RTL4: variants seen among roughly 807,000 people sequenced by gnomAD.
The protein encoded by RTL4 is retrotransposon Gag-like protein 4.
RTL4 carries 4 observed loss-of-function variants against 5.3 expected under a neutral mutation model. The observed-to-expected ratio is 0.75, with a 90% CI of 0.37 to 1.72. The LOEUF (loss-of-function observed/expected upper bound fraction) is 1.72. Among genes scored for constraint, RTL4 ranks in the 40% most tolerant of loss-of-function variants. The pLI, the probability that RTL4 is intolerant of heterozygous loss-of-function variation, is 0.04. For missense variants in RTL4, 260 were observed against 227.1 expected, an observed-to-expected ratio of 1.14 and a Z score of -0.93; for synonymous variants, 98 against 87.3, an observed-to-expected ratio of 1.12 and a Z score of -0.68.
chrX:112,089,852 C>T, the RTL4 span, among the ~76,000 whole-genome samples: 7 of 111,334 alleles, frequency 6.3e-5, no homozygotes, highest in Non-Finnish European at 1.1e-4. Flanking sequence ...TCCATCTCAA[C>T]AATGTTGTAT....
At chrX:112,234,606 C>T in the RTL4 span, among the ~76,000 whole-genome samples, 316 of 111,993 alleles carry the variant, frequency 2.8e-3, no homozygotes, top group Admixed American at 6.8e-3. Flanking sequence ...CTGCAAGCCA[C>T]GAGTCATACT....
chrX:112,250,321 G>A, the RTL4 span, among the ~76,000 whole-genome samples: 1 of 111,252 alleles, frequency 9.0e-6, no homozygotes, highest in African/African-American at 3.3e-5. Flanking sequence ...GATAACAGAA[G>A]TGAAGCTGTT....
chrX:112,363,228 C>T, the RTL4 span, among the ~76,000 whole-genome samples: 6 of 111,241 alleles, frequency 5.4e-5, no homozygotes, highest in Non-Finnish European at 9.5e-5. Flanking sequence ...GACAGCATGA[C>T]TTGGAAGTGA....
the RTL4 span, among the ~76,000 whole-genome samples, chrX:112,110,291 G>A: frequency 4.5e-5 from 5 of 112,159 alleles, no homozygotes; most frequent in Non-Finnish European, 9.4e-5. Flanking sequence ...AGTCACTGCT[G>A]CCAAAGAGTC....
chrX:112,289,773 A>ATGTG, the RTL4 span, among the ~76,000 whole-genome samples: 1,342 of 105,998 alleles, frequency 0.013, 13 homozygotes, highest in African/African-American at 0.042. Context: ...TGTATAATAT[A>ATGTG]TGTGTGTGTG....
the RTL4 span, among the ~76,000 whole-genome samples, chrX:112,235,035 G>A: frequency 5.4e-5 from 6 of 111,079 alleles, no homozygotes; most frequent in Non-Finnish European, 9.4e-5. Context: ...TCCTGTTTTC[G>A]GGATCCAGGT....
At chrX:112,380,859 G>A in the RTL4 span, among the ~76,000 whole-genome samples, 1 of 111,964 alleles carries the variant, frequency 8.9e-6, no homozygotes, top group African/African-American at 3.3e-5. Context: ...TCTGCAGCCT[G>A]GGAGGGCTTT....
the RTL4 span, among the ~76,000 whole-genome samples, chrX:112,170,211 C>T: frequency 8.9e-6 from 1 of 112,149 alleles, no homozygotes; most frequent in Admixed American, 9.5e-5. Context: ...CAGCTTTGTT[C>T]ATTGTGTTTA....
the RTL4 span, among the ~76,000 whole-genome samples, chrX:112,427,940 G>A: frequency 9.8e-6 from 1 of 102,480 alleles, no homozygotes. Flanking sequence ...CTTCCCCTCT[G>A]AGTCCCCGAA....
At chrX:112,296,688 C>A in the RTL4 span, among the ~76,000 whole-genome samples, 4 of 106,413 alleles carry the variant, frequency 3.8e-5, no homozygotes, top group East Asian at 8.8e-4. Flanking sequence ...CGGCTCACTG[C>A]AAGCTCCGCC....
the RTL4 span, among the ~76,000 whole-genome samples, chrX:112,346,123 A>T: frequency 2.9e-4 from 33 of 111,981 alleles, no homozygotes; most frequent in African/African-American, 1.0e-3. Flanking sequence ...TGTTTGAGTA[A>T]TGGGGGTAAC....
the RTL4 span, among the ~76,000 whole-genome samples, chrX:112,318,400 A>T: frequency 9.0e-6 from 1 of 111,588 alleles, no homozygotes; most frequent in Admixed American, 9.5e-5. Flanking sequence ...TATTTTGTTC[A>T]TGTATTCCCC....
chrX:112,212,134 T>C, the RTL4 span, among the ~76,000 whole-genome samples: 1 of 112,383 alleles, frequency 8.9e-6, no homozygotes, highest in Admixed American at 9.4e-5. Context: ...CCCAGCACTT[T>C]GGGAGGCCGA....
At chrX:112,328,853 C>T in the RTL4 span, among the ~76,000 whole-genome samples, 31 of 112,069 alleles carry the variant, frequency 2.8e-4, no homozygotes, top group Non-Finnish European at 4.9e-4. Context: ...GATTAAGAAA[C>T]TCACTCAAAA....
chrX:112,381,434 C>G, the RTL4 span: 2 of 1,207,787 alleles, frequency 1.7e-6, no homozygotes, highest in Admixed American at 2.2e-5. Context: ...TCAAACCCAG[C>G]GGGAACAGCT....
chrX:112,334,717 G>C, the RTL4 span, among the ~76,000 whole-genome samples: 1 of 111,667 alleles, frequency 9.0e-6, no homozygotes, highest in Non-Finnish European at 1.9e-5. Flanking sequence ...ATTTACATTT[G>C]TCATTTTGAT....
the RTL4 span, among the ~76,000 whole-genome samples, chrX:112,311,884 G>C: frequency 9.0e-6 from 1 of 110,713 alleles, no homozygotes; most frequent in Non-Finnish European, 1.9e-5. Flanking sequence ...ACTCACTTCA[G>C]AGTAGCTGCT....
chrX:112,091,587 C>G, the RTL4 span, among the ~76,000 whole-genome samples: 1 of 111,898 alleles, frequency 8.9e-6, no homozygotes, highest in Non-Finnish European at 1.9e-5. Context: ...AGCTTTACTT[C>G]ATCATGGTCA....
At chrX:112,331,413 A>T in the RTL4 span, among the ~76,000 whole-genome samples, 1 of 107,383 alleles carries the variant, frequency 9.3e-6, no homozygotes, top group Admixed American at 1.0e-4. Context: ...AAAAATGCTC[A>T]TCATCACTGG....
Sources: allele counts gnomAD v4.1 joint callset (sites outside exome capture counted in the v4.1 genomes callset), GRCh38; gene constraint gnomAD v4.1.1; transcripts MANE v1.5; gene names NCBI Gene and HGNC (gene_info 2026-07-23, HGNC 2026-07-21).